Variants in SHISAL1 observed in about 807,000 individuals in gnomAD.
SHISAL1 encodes shisa like 1, also known as protein shisa-like-1.
SHISAL1 carries 9 observed loss-of-function variants against 22.6 expected under a neutral mutation model. The ratio of observed to expected loss-of-function variants is 0.40; its 90% CI spans 0.24 to 0.70. The LOEUF is 0.70. Ranked by LOEUF, SHISAL1 falls within the 30% of genes least tolerant of loss-of-function variation. The pLI, the probability that SHISAL1 is intolerant of heterozygous loss-of-function variation, is 0.39. For missense variants in SHISAL1, 246 were observed against 270.6 expected (o/e 0.91, Z 0.64); for synonymous variants, 119 against 115.4 (o/e 1.03, Z -0.20).
chr22:44,267,779 G>T (rs182464480), intron 4 of SHISAL1, among the ~76,000 whole-genome samples: 2 of 152,296 alleles, frequency 1.3e-5, no homozygotes, highest in South Asian at 4.1e-4. Flanking sequence ...GCTATTTCCA[G>T]TGCCCGGACC....
intron 2 of SHISAL1, among the ~76,000 whole-genome samples, chr22:44,297,890 G>C (rs1601800163): frequency 6.6e-6 from 1 of 152,196 alleles, no homozygotes. Flanking sequence ...CCAGCTCGTT[G>C]AAAGCTCTGT....
Position 44,249,755 on chromosome 22 carries a change from A to G in SHISAL1, c.*-70T>C, listed in dbSNP as rs1601772155. 1.2e-5 allele frequency: 9 copies of G among 773,490 alleles called. 1 individual carries two copies. The highest frequency in any genetic ancestry group is 1.4e-5 in the South Asian group (1 of 73,474). The allele number at this position is 773,490 out of a possible 1,614,324, so 47.9% of individuals were successfully genotyped here. A position where few individuals can be genotyped will look rare whatever the true frequency, so the allele number is the denominator to read the frequency against. On this transcript the variant is annotated intron_variant, in intron 4 of 4. Transcript: ENST00000381176. Reference sequence around the variant, plus strand: ...CATGGGGACATTTCTCTCTGGCCTCAGTGCCGGAAGAAGCCAGGTTTTCTC... The same window carrying G: ...CATGGGGACATTTCTCTCTGGCCTCGGTGCCGGAAGAAGCCAGGTTTTCTC...
At chr22:44,251,129 G>A (rs961040931) in intron 4 of SHISAL1, among the ~76,000 whole-genome samples, 1 of 152,180 alleles carries the variant, frequency 6.6e-6, no homozygotes. Flanking sequence ...TACTTGAATA[G>A]TTTATTGTTT....
rs369668263 is a variant in SHISAL1 at position 44,246,003 on chromosome 22, T to G, written c.*3682A>C. On this transcript the variant is annotated 3_prime_UTR_variant, in exon 5 of 5. Coordinates refer to ENST00000381176, the MANE Select transcript of SHISAL1 (RefSeq NM_001099294.2). ...GTGTGTGTGCGCGCATGTGCATGTA[T>G]GTACTTGTGTGTTTTTTCAATTAAG... 6.6e-6 allele frequency: 1 copy of G among 152,246 alleles called. No individual in the cohort carries two copies. Among genetic ancestry groups the G allele is most frequent in the Admixed American group, 6.5e-5 (1 of 15,276 alleles). The allele number at this position is 152,246 out of a possible 1,614,324, so 9.4% of individuals were successfully genotyped here.
intron 4 of SHISAL1, among the ~76,000 whole-genome samples, chr22:44,253,934 A>G (rs2055067414): frequency 6.6e-6 from 1 of 152,200 alleles, no homozygotes; most frequent in South Asian, 2.1e-4. Flanking sequence ...CCACAAAGAA[A>G]GTAAATTCCA....
At position 44,245,603 on chromosome 22, in the gene SHISAL1, C is replaced by CA. The variant is rs1301948041; in HGVS notation, c.*4081_*4082insT. 1.3e-5 allele frequency: 2 copies of CA among 152,416 alleles called. No homozygotes were observed. Among genetic ancestry groups the CA allele is most frequent in the African/African-American group, 2.4e-5 (1 of 41,454 alleles). 9.4% of individuals were successfully genotyped at this position (152,416 alleles called of 1,614,324 possible). Reference sequence around the variant, plus strand: ...CATGGTGATTGTGAAAGCAGCCGAGCCAGCGGAGGGGCCTGCCTGGGGATG... The same window carrying CA: ...CATGGTGATTGTGAAAGCAGCCGAGCACAGCGGAGGGGCCTGCCTGGGGATG... On this transcript the variant is annotated 3_prime_UTR_variant, in exon 5 of 5. Transcript: ENST00000381176.
At chr22:44,289,480 G>GTA (rs1367578192) in intron 3 of SHISAL1, among the ~76,000 whole-genome samples, 2 of 151,766 alleles carry the variant, frequency 1.3e-5, no homozygotes, top group Non-Finnish European at 2.9e-5. Context: ...GTGTGTGTGT[G>GTA]TGTGTGTGTG....
chr22:44,319,700 C>T, the SHISAL1 span, among the ~76,000 whole-genome samples: 1 of 152,228 alleles, frequency 6.6e-6, no homozygotes, highest in Non-Finnish European at 1.5e-5. Flanking sequence ...AAGGAAGGCT[C>T]TGGCTTTCGG....
chr22:44,269,371 GCA>G (rs2055189208), intron 4 of SHISAL1, among the ~76,000 whole-genome samples: 1 of 138,854 alleles, frequency 7.2e-6, no homozygotes, highest in African/African-American at 2.8e-5. Flanking sequence ...GAGTACATAT[GCA>G]CACACACCAT....
chr22:44,320,402 G>C, the SHISAL1 span, among the ~76,000 whole-genome samples: 1 of 152,250 alleles, frequency 6.6e-6, no homozygotes, highest in South Asian at 2.1e-4. Context: ...AAGTGGGCCA[G>C]GCCGTGGATC....
chr22:44,280,147 T>A (rs1356405149), intron 4 of SHISAL1, among the ~76,000 whole-genome samples: 1 of 151,972 alleles, frequency 6.6e-6, no homozygotes, highest in Admixed American at 6.5e-5. Context: ...CCCAGGGAGA[T>A]GTGGGGCAGA....
At chr22:44,252,039 G>A (rs1356222253) in intron 4 of SHISAL1, among the ~76,000 whole-genome samples, 3 of 152,234 alleles carry the variant, frequency 2.0e-5, no homozygotes, top group African/African-American at 4.8e-5. Flanking sequence ...CCAGCAATGA[G>A]CGTAGAATTT....
chr22:44,264,074 G>A (rs888148196), intron 4 of SHISAL1, among the ~76,000 whole-genome samples: 8 of 152,198 alleles, frequency 5.3e-5, no homozygotes, highest in Non-Finnish European at 1.0e-4. Context: ...ACACAGTGTG[G>A]TGCGTCCACA....
chr22:44,249,832 C>A, intron 4 of SHISAL1, 147 bp from the exon 5 acceptor site: 1 of 649,560 alleles, frequency 1.5e-6, no homozygotes, highest in Non-Finnish European at 2.8e-6. Flanking sequence ...GACTTTAAGA[C>A]TGGAAGAAAG....
At chr22:44,327,603 T>A in the SHISAL1 span, among the ~76,000 whole-genome samples, 1 of 152,036 alleles carries the variant, frequency 6.6e-6, no homozygotes, top group South Asian at 2.1e-4. Flanking sequence ...CTCAGTGACC[T>A]TGGAGTCTCC....
At chr22:44,262,044 G>C (rs943108049) in intron 4 of SHISAL1, among the ~76,000 whole-genome samples, 1 of 152,232 alleles carries the variant, frequency 6.6e-6, no homozygotes, top group Non-Finnish European at 1.5e-5. Context: ...GGCTCGAAGC[G>C]GGTAGGGGAG....
intron 4 of SHISAL1, among the ~76,000 whole-genome samples, chr22:44,251,146 C>T (rs1365502151): frequency 6.6e-6 from 1 of 152,070 alleles, no homozygotes; most frequent in East Asian, 1.9e-4. Flanking sequence ...GTTTGTCTTC[C>T]CCAAATAGAA....
chr22:44,284,462 T>A (rs992271899), intron 4 of SHISAL1, among the ~76,000 whole-genome samples: 1 of 152,128 alleles, frequency 6.6e-6, no homozygotes, highest in African/African-American at 2.4e-5. Flanking sequence ...CAGGGGTCAC[T>A]GTGCGGCAAA....
chr22:44,310,749 T>C lies in SHISAL1; in HGVS notation c.-33+2002A>G, dbSNP rs935571135. On this transcript the variant is annotated intron_variant, in intron 1 of 4. Coordinates refer to ENST00000381176, the MANE Select transcript of SHISAL1 (RefSeq NM_001099294.2). This position sits in a 1 kb window ranked among gnomAD's most constrained non-coding sequence, Gnocchi z 4.0. Reference sequence around the variant, plus strand: ...GTTTGAACTCCATGTCTACGTCTGATTTCCCCAGTTCATCTTTCCGTGCTT... The same window carrying C: ...GTTTGAACTCCATGTCTACGTCTGACTTCCCCAGTTCATCTTTCCGTGCTT... 6.6e-6 allele frequency among the ~76,000 whole-genome samples: 1 copy of C among 152,104 alleles called. No homozygotes were observed. Among genetic ancestry groups the C allele is most frequent in the South Asian group, 2.1e-4 (1 of 4,822 alleles).
Sources: allele counts gnomAD v4.1 joint callset (sites outside exome capture counted in the v4.1 genomes callset), GRCh38; gene constraint gnomAD v4.1.1; non-coding constraint Gnocchi (gnomAD v3.1); transcripts MANE v1.5; gene names NCBI Gene and HGNC (gene_info 2026-07-23, HGNC 2026-07-21).